PIK3C2G: variants seen among roughly 807,000 people sequenced by gnomAD.
The protein encoded by PIK3C2G is phosphatidylinositol-4-phosphate 3-kinase catalytic subunit type 2 gamma, also known as phosphatidylinositol 3-kinase C2 domain-containing subunit gamma.
A neutral mutation model predicts 181.1 loss-of-function variants in PIK3C2G; 168 were observed. The observed-to-expected ratio is 0.93, with a 90% CI of 0.82 to 1.05. The LOEUF is 1.05. Among genes scored for constraint, PIK3C2G ranks in the 50% least tolerant of loss-of-function variants. The pLI, the probability that PIK3C2G is intolerant of heterozygous loss-of-function variation, is 0.00. For missense variants in PIK3C2G, 1,869 were observed against 1,732.8 expected, an observed-to-expected ratio of 1.08 and a Z score of -1.40; for synonymous variants, 573 against 592.2, an observed-to-expected ratio of 0.97 and a Z score of 0.47.
At chr12:18,699,867 T>G in the PIK3C2G span, 1 of 1,613,198 alleles carries the variant, frequency 6.2e-7, no homozygotes, top group Admixed American at 1.7e-5. Context: ...GATATAATCT[T>G]GAATGTTGAA....
At chr12:18,705,345 C>T in the PIK3C2G span, 2 of 1,611,402 alleles carry the variant, frequency 1.2e-6, no homozygotes, top group South Asian at 1.1e-5. Flanking sequence ...TATGGTTATT[C>T]ATCAAAACTT....
intron 13 of PIK3C2G, among the ~76,000 whole-genome samples, chr12:18,378,907 CTG>C (rs1426550224): frequency 6.6e-6 from 1 of 152,188 alleles, no homozygotes; most frequent in African/African-American, 2.4e-5. Context: ...CACTTTTACA[CTG>C]TTGGTGGGAC....
At chr12:18,405,220 T>C (rs111909214) in intron 16 of PIK3C2G, among the ~76,000 whole-genome samples, 12 of 152,170 alleles carry the variant, frequency 7.9e-5, no homozygotes, top group African/African-American at 2.4e-5. Context: ...CAGTTGTGTA[T>C]ACAGGTCTGA....
intron 24 of PIK3C2G, among the ~76,000 whole-genome samples, chr12:18,524,257 C>T (rs1466469872): frequency 1.3e-5 from 2 of 152,164 alleles, no homozygotes; most frequent in Non-Finnish European, 2.9e-5. Context: ...GTGGATGATG[C>T]TGTGCTAGCT....
intron 2 of PIK3C2G, 142 bp downstream of exon 2, chr12:18,282,901 G>A: frequency 1.8e-6 from 1 of 550,432 alleles, no homozygotes; most frequent in East Asian, 3.0e-5. Flanking sequence ...TTTCACAAAT[G>A]ATGTGTTCTT....
At position 18,502,110 on chromosome 12, in the gene PIK3C2G, G is replaced by A. The variant is rs79126688; in HGVS notation, c.3017-1171G>A. ...TTAGGAGAGAAGGGAGAAGTGTCTT[G>A]ATACTATGGATATTCCCAGGACCTG... On this transcript the variant is annotated intron_variant, in intron 22 of 32. Coordinates refer to ENST00000538779, the MANE Select transcript of PIK3C2G (RefSeq NM_001288772.2). 9.1e-3 allele frequency among the ~76,000 whole-genome samples: 1,381 copies of A among 152,306 alleles called. 27 individuals are homozygous for A. Among genetic ancestry groups the A allele is most frequent in the African/African-American group, 0.03 (1,255 of 41,558 alleles).
At chr12:18,377,009 A>G (rs1443016126) in intron 13 of PIK3C2G, among the ~76,000 whole-genome samples, 1 of 152,190 alleles carries the variant, frequency 6.6e-6, no homozygotes, top group Non-Finnish European at 1.5e-5. Context: ...GTGACACAAG[A>G]ATAGCCTACA....
chr12:18,585,610 C>T (rs1054071851), intron 29 of PIK3C2G, among the ~76,000 whole-genome samples: 1 of 152,162 alleles, frequency 6.6e-6, no homozygotes, highest in African/African-American at 2.4e-5. Flanking sequence ...GAGACTTCAA[C>T]ACTCCACTGA....
intron 18 of PIK3C2G, among the ~76,000 whole-genome samples, chr12:18,474,686 T>C (rs187994529): frequency 7.6e-4 from 116 of 152,224 alleles, no homozygotes; most frequent in African/African-American, 2.4e-3. Context: ...TTAAGCATTA[T>C]TGAGTTTGTC....
chr12:18,659,477 C>A, the PIK3C2G span, among the ~76,000 whole-genome samples: 27 of 152,232 alleles, frequency 1.8e-4, no homozygotes, highest in South Asian at 6.2e-4. Context: ...TCTCTCTCTT[C>A]TCCAAAATAC....
Position 18,290,986 on chromosome 12 carries a change from C to T in PIK3C2G, c.893C>T (p.Thr298Ile), listed in dbSNP as rs1949667289. 4 of 1,600,552 alleles carry T rather than the reference C, an allele frequency of 2.5e-6. No individual in the cohort carries two copies. Among genetic ancestry groups the T allele is most frequent in the Non-Finnish European group, 3.4e-6 (4 of 1,168,552 alleles). Residue 298 changes from threonine (T) to isoleucine (I), a missense_variant, in exon 4 of 33, where the codon ACA becomes ATA. Coordinates refer to ENST00000538779, the MANE Select transcript of PIK3C2G (RefSeq NM_001288772.2). ...FNIHIFIDNS[T>I]QPLHFMPCAN... ...ATACATATTTTTATTGATAACTCAA[C>T]ACAACCTCTTCATTTTATGCCATGT...
the PIK3C2G span, among the ~76,000 whole-genome samples, chr12:18,705,720 G>T: frequency 6.7e-6 from 1 of 150,086 alleles, no homozygotes; most frequent in African/African-American, 2.5e-5. Flanking sequence ...ACAAAAATTA[G>T]CCAGGTGTGG....
chr12:18,293,861 T>C, intron 4 of PIK3C2G, 40 bp from the exon 5 acceptor site: 2 of 978,892 alleles, frequency 2.0e-6, no homozygotes, highest in Middle Eastern at 2.2e-4. Flanking sequence ...CAGTATATGA[T>C]ACACTTTTAT....
chr12:18,563,839 G>A (rs992328043), intron 28 of PIK3C2G, among the ~76,000 whole-genome samples: 3 of 151,582 alleles, frequency 2.0e-5, no homozygotes, highest in Admixed American at 2.0e-4. Flanking sequence ...AAATACAATT[G>A]AAATTGAAAT....
At chr12:18,710,299 G>A in the PIK3C2G span, among the ~76,000 whole-genome samples, 1 of 150,936 alleles carries the variant, frequency 6.6e-6, no homozygotes, top group Non-Finnish European at 1.5e-5. Flanking sequence ...AATTAGGTGA[G>A]GGAGTTAGCC....
intron 5 of PIK3C2G, among the ~76,000 whole-genome samples, chr12:18,308,892 G>A (rs190105928): frequency 6.6e-6 from 1 of 151,658 alleles, no homozygotes; most frequent in Non-Finnish European, 1.5e-5. Flanking sequence ...GCACTGTTAT[G>A]TGTTTAGAAA....
At chr12:18,646,415 T>C (rs1950133149) in intron 32 of PIK3C2G, among the ~76,000 whole-genome samples, 1 of 152,190 alleles carries the variant, frequency 6.6e-6, no homozygotes, top group South Asian at 2.1e-4. Flanking sequence ...CGCATTCGCA[T>C]ATCATATTGT....
chr12:18,576,253 T>C (rs1414297159), intron 29 of PIK3C2G, among the ~76,000 whole-genome samples: 2 of 152,190 alleles, frequency 1.3e-5, no homozygotes, highest in Non-Finnish European at 1.5e-5. Context: ...ACCTCTGGCA[T>C]TGTAGAGAAT....
chr12:18,458,825 G>A (rs1350582912), intron 18 of PIK3C2G, among the ~76,000 whole-genome samples: 1 of 150,234 alleles, frequency 6.7e-6, no homozygotes, highest in African/African-American at 2.5e-5. Context: ...TCTAGTTGCT[G>A]AAAGTGGCCC....
Sources: allele counts gnomAD v4.1 joint callset (sites outside exome capture counted in the v4.1 genomes callset), GRCh38; gene constraint gnomAD v4.1.1; transcripts MANE v1.5; gene names NCBI Gene and HGNC (gene_info 2026-07-23, HGNC 2026-07-21).